Variants in KIRREL3 observed in about 807,000 individuals in gnomAD.
The protein encoded by KIRREL3 is kin of IRRE-like protein 3.
Under a neutral mutation model 89.7 loss-of-function variants are expected in KIRREL3, and 36 were observed. The ratio of observed to expected loss-of-function variants is 0.40; its 90% CI spans 0.31 to 0.53. KIRREL3 has a LOEUF of 0.53. KIRREL3 is among the 20% of genes least tolerant of loss of function. KIRREL3 has a pLI of 0.49. For synonymous variants in KIRREL3, 445 were observed against 441.4 expected, an observed-to-expected ratio of 1.01 and a Z score of -0.10; for missense variants, 864 against 1,056.6, an observed-to-expected ratio of 0.82 and a Z score of 2.53.
chr11:126,714,549 G>A (rs904241220), intron 1 of KIRREL3, among the ~76,000 whole-genome samples: 2 of 152,122 alleles, frequency 1.3e-5, no homozygotes, highest in African/African-American at 2.4e-5. Flanking sequence ...GAGAGTTTCC[G>A]CCCTGGGAGG....
chr11:126,968,508 G>A (rs997787858), intron 1 of KIRREL3, among the ~76,000 whole-genome samples: 1 of 152,148 alleles, frequency 6.6e-6, no homozygotes, highest in African/African-American at 2.4e-5. Context: ...GAAGCTGTCT[G>A]GGTCATTCAT....
intron 1 of KIRREL3, among the ~76,000 whole-genome samples, chr11:126,975,655 G>A (rs915474275): frequency 6.6e-6 from 1 of 152,102 alleles, no homozygotes; most frequent in African/African-American, 2.4e-5. Flanking sequence ...CACCTGGGAT[G>A]GTAGTTCAAT....
rs138070104 is a variant in KIRREL3 at position 126,995,487 on chromosome 11, C to T, written c.55+4968G>A. The stretch of plus-strand genomic sequence containing the variant: ...CACCTAAGGTCATCTCGACAATTTA[C>T]AAGGATAAGGATTGTAGCTGCAAAA... On this transcript the variant is annotated intron_variant, in intron 1 of 16. Transcript: ENST00000525144. The surrounding 1 kb of genome is among the most constrained non-coding windows in gnomAD (Gnocchi z 6.5). 1,046 of 372,510 alleles carry T rather than the reference C, an allele frequency of 2.8e-3. 4 individuals carry two copies. Among genetic ancestry groups the T allele is most frequent in the African/African-American group, 0.02 (967 of 47,214 alleles). The allele number at this position is 372,510 out of a possible 1,614,324, so 23.1% of individuals were successfully genotyped here.
Position 126,508,431 on chromosome 11 carries a change from C to T in KIRREL3, c.433+12884G>A, listed in dbSNP as rs556037646. Among the ~76,000 whole-genome samples the T allele has an allele frequency of 2.2e-4, 34 of 152,128 alleles. No homozygotes were observed. Among genetic ancestry groups the T allele is most frequent in the African/African-American group, 6.5e-4 (27 of 41,502 alleles). Reference sequence around the variant, plus strand: ...GATGGCAAATGAATGCTGCGGGTCTCGGGGCTCCCCAGGTCCATCTGAGGA... The same window carrying T: ...GATGGCAAATGAATGCTGCGGGTCTTGGGGCTCCCCAGGTCCATCTGAGGA... On this transcript the variant is annotated intron_variant, in intron 4 of 16. Transcript: ENST00000525144. The surrounding 1 kb of genome is among the most constrained non-coding windows in gnomAD (Gnocchi z 4.9).
In KIRREL3 at chr11:126,783,497, C is replaced by A. The variant is rs1435893429; in HGVS notation, c.55+216958G>T. Among the ~76,000 whole-genome samples, 2 of 152,178 alleles carry A rather than the reference C, an allele frequency of 1.3e-5. No individual in the cohort carries two copies. The highest frequency in any genetic ancestry group is 6.5e-5 in the Admixed American group (1 of 15,286). On this transcript the variant is annotated intron_variant, in intron 1 of 16. Coordinates refer to ENST00000525144, the MANE Select transcript of KIRREL3 (RefSeq NM_032531.4). This position sits in a 1 kb window ranked among gnomAD's most constrained non-coding sequence, Gnocchi z 4.3. ...GACACAATCCAACACATAACATATTCTCTTCCAAAAAAGCCACACTAATGA... is the reference window on the plus strand; with the variant it reads ...GACACAATCCAACACATAACATATTATCTTCCAAAAAAGCCACACTAATGA...
intron 5 of KIRREL3, among the ~76,000 whole-genome samples, chr11:126,464,763 G>A (rs185905287): frequency 6.6e-6 from 1 of 152,194 alleles, no homozygotes; most frequent in East Asian, 1.9e-4. Flanking sequence ...GCCTTTGGAG[G>A]GGCACAGCCC....
At chr11:126,711,728 G>A (rs1033160196) in intron 1 of KIRREL3, among the ~76,000 whole-genome samples, 11 of 152,170 alleles carry the variant, frequency 7.2e-5, no homozygotes, top group Non-Finnish European at 1.2e-4. Context: ...ATTTAGTAAG[G>A]TGAGAATTTA....
intron 1 of KIRREL3, among the ~76,000 whole-genome samples, chr11:126,616,319 A>T (rs1387114886): frequency 2.0e-5 from 3 of 152,162 alleles, no homozygotes; most frequent in African/African-American, 7.2e-5. Context: ...GGGAATGGTG[A>T]TTCCTTTCAA....
intron 1 of KIRREL3, among the ~76,000 whole-genome samples, chr11:126,847,026 G>T (rs534504921): frequency 2.6e-5 from 4 of 152,174 alleles, no homozygotes; most frequent in African/African-American, 9.6e-5. Context: ...ATTACAAAGG[G>T]TTATAAAAGG....
rs1218850063 is a variant in KIRREL3, at chr11:126,522,388, G to A, written c.284-924C>T. 6.6e-6 allele frequency among the ~76,000 whole-genome samples: 1 copy of A among 152,136 alleles called. No individual in the cohort carries two copies. The highest frequency in any genetic ancestry group is 6.5e-5 in the Admixed American group (1 of 15,272). ...GGACAGGAAGTAGAAATCTAGGCCCGCCCTTCCAGTGTCTAGGAACCTTGG... is the reference window on the plus strand; with the variant it reads ...GGACAGGAAGTAGAAATCTAGGCCCACCCTTCCAGTGTCTAGGAACCTTGG... On this transcript the variant is annotated intron_variant, in intron 3 of 16. Coordinates refer to ENST00000525144, the MANE Select transcript of KIRREL3 (RefSeq NM_032531.4). This position sits in a 1 kb window ranked among gnomAD's most constrained non-coding sequence, Gnocchi z 6.0.
rs1945335886 is a variant in KIRREL3 at position 126,877,508 on chromosome 11, A to T, written c.55+122947T>A. On this transcript the variant is annotated intron_variant, in intron 1 of 16. Coordinates refer to ENST00000525144, the MANE Select transcript of KIRREL3 (RefSeq NM_032531.4). The surrounding 1 kb of genome is among the most constrained non-coding windows in gnomAD (Gnocchi z 4.9). ...CACTCACTTCCCTCCCCAACTTCCC[A>T]TCCACACCTATATGGACACAAGGTC... Among the ~76,000 whole-genome samples, 1 of 152,200 alleles carries T rather than the reference A, an allele frequency of 6.6e-6. No homozygotes were observed. Among genetic ancestry groups the T allele is most frequent in the Non-Finnish European group, 1.5e-5 (1 of 68,042 alleles).
At chr11:126,824,108 C>T (rs1378862220) in intron 1 of KIRREL3, among the ~76,000 whole-genome samples, 1 of 152,190 alleles carries the variant, frequency 6.6e-6, no homozygotes, top group African/African-American at 2.4e-5. Flanking sequence ...TCTTTGTGAA[C>T]TCTTTGGTTC....
rs1025992559 is a variant in KIRREL3 at position 126,985,974 on chromosome 11, G to A, written c.55+14481C>T. Reference sequence around the variant, plus strand: ...CCTAAAATGAGTATCTCACAAACACGCCAGCTCACTTAGTCTTTCTGTTTC... The same window carrying A: ...CCTAAAATGAGTATCTCACAAACACACCAGCTCACTTAGTCTTTCTGTTTC... On this transcript the variant is annotated intron_variant, in intron 1 of 16. Transcript: ENST00000525144. This position sits in a 1 kb window ranked among gnomAD's most constrained non-coding sequence, Gnocchi z 5.3. Among the ~76,000 whole-genome samples the A allele has an allele frequency of 6.6e-5, 10 of 152,022 alleles. No homozygotes were observed. In the East Asian group the frequency reaches 7.7e-4, roughly 12 times the overall value.
intron 1 of KIRREL3, among the ~76,000 whole-genome samples, chr11:126,582,404 C>G (rs148282028): frequency 2.0e-5 from 3 of 152,212 alleles, no homozygotes; most frequent in Admixed American, 2.0e-4. Context: ...GGTATCAGAA[C>G]GCATTCCCCT....
At chr11:126,973,434 T>G (rs1019976744) in intron 1 of KIRREL3, among the ~76,000 whole-genome samples, 1 of 152,172 alleles carries the variant, frequency 6.6e-6, no homozygotes, top group Non-Finnish European at 1.5e-5. Flanking sequence ...GGTCAACTAC[T>G]TGGAAGTGAT....
intron 6 of KIRREL3, among the ~76,000 whole-genome samples, chr11:126,460,858 A>C (rs1209204199): frequency 2.0e-5 from 3 of 152,182 alleles, no homozygotes; most frequent in Admixed American, 6.5e-5. Flanking sequence ...CTGCTGTCGC[A>C]GGGGGCCAGC....
chr11:126,666,210 A>C lies in KIRREL3; in HGVS notation c.56-103298T>G, dbSNP rs189718643. On this transcript the variant is annotated intron_variant, in intron 1 of 16. Coordinates refer to ENST00000525144, the MANE Select transcript of KIRREL3 (RefSeq NM_032531.4). This position sits in a 1 kb window ranked among gnomAD's most constrained non-coding sequence, Gnocchi z 4.2. Reference sequence around the variant, plus strand: ...GGAAGAGTGTGGATTCTTGGAATGCAATTGTCATGTGGCAAGTTATTTCAG... The same window carrying C: ...GGAAGAGTGTGGATTCTTGGAATGCCATTGTCATGTGGCAAGTTATTTCAG... Among the ~76,000 whole-genome samples, 506 of 152,254 alleles carry C rather than the reference A, an allele frequency of 3.3e-3. 3 individuals are homozygous for C. Among genetic ancestry groups the C allele is most frequent in the African/African-American group, 0.011 (449 of 41,534 alleles).
rs1171306684 is a variant in KIRREL3, at chr11:126,768,170, A to ATCCAATCCATCCATCC, written c.56-205259_56-205258insGGATGGATGGATTGGA. ...CATCCATCCATCCATCCATCCATCC[A>ATCCAATCCATCCATCC]ATCCATCCATCCATCCATCCATCCA... On this transcript the variant is annotated intron_variant, in intron 1 of 16. Coordinates refer to ENST00000525144, the MANE Select transcript of KIRREL3 (RefSeq NM_032531.4). The surrounding 1 kb of genome is among the most constrained non-coding windows in gnomAD (Gnocchi z 4.5). Among the ~76,000 whole-genome samples the ATCCAATCCATCCATCC allele has an allele frequency of 9.0e-4, 72 of 80,010 alleles. No individual in the cohort carries two copies. Among genetic ancestry groups the ATCCAATCCATCCATCC allele is most frequent in the African/African-American group, 2.4e-3 (61 of 25,420 alleles). The allele number at this position is 80,010 out of a possible 152,430, so 52.5% of individuals were successfully genotyped here.
chr11:126,832,921 C>G (rs933509774), intron 1 of KIRREL3, among the ~76,000 whole-genome samples: 1 of 152,170 alleles, frequency 6.6e-6, no homozygotes. Flanking sequence ...CTATGGTGCA[C>G]AGATCAAGCT....
Sources: gnomAD v4.1 joint callset for allele counts (sites outside exome capture counted in the v4.1 genomes callset) on GRCh38, gnomAD v4.1.1 for gene constraint, Gnocchi (gnomAD v3.1) non-coding constraint, MANE v1.5 for transcripts, NCBI Gene and HGNC (gene_info 2026-07-23, HGNC 2026-07-21) for gene names.